Variants in AGMO observed in about 807,000 individuals in gnomAD.
AGMO encodes glyceryl-ether monooxygenase.
Under a neutral mutation model 60.2 loss-of-function variants are expected in AGMO, and 75 were observed. The ratio of observed to expected loss-of-function variants is 1.25; its 90% CI spans 1.03 to 1.51. The LOEUF (loss-of-function observed/expected upper bound fraction) is 1.51, where lower values mean the gene tolerates loss of function less well. AGMO is among the 40% of genes most tolerant of loss of function. AGMO has a pLI of 0.00. For missense variants in AGMO, 763 were observed against 525.5 expected (o/e 1.45, Z -4.42); for synonymous variants, 261 against 177.1 (o/e 1.47, Z -3.76).
At chr7:15,315,423 C>T (rs959823658) in intron 12 of AGMO, among the ~76,000 whole-genome samples, 7 of 147,224 alleles carry the variant, frequency 4.8e-5, no homozygotes, top group African/African-American at 7.6e-5. Context: ...CTGCAACCTC[C>T]GATTCCCTAG....
At chr7:15,137,759 G>T in the AGMO span, among the ~76,000 whole-genome samples, 74,742 of 151,916 alleles carry the variant, frequency 0.49, 18,603 homozygotes, top group East Asian at 0.66. Flanking sequence ...TGTCACCATA[G>T]GTAAGGGAAT....
chr7:15,491,607 G>A (rs948727047), intron 3 of AGMO, among the ~76,000 whole-genome samples: 4 of 152,026 alleles, frequency 2.6e-5, no homozygotes, highest in African/African-American at 9.7e-5. Flanking sequence ...ATGTCCTATG[G>A]CTAAAATGTA....
At chr7:15,345,957 T>C (rs1445282448) in intron 12 of AGMO, among the ~76,000 whole-genome samples, 2 of 152,168 alleles carry the variant, frequency 1.3e-5, no homozygotes, top group African/African-American at 4.8e-5. Flanking sequence ...AATGTTTTAA[T>C]TCCAATATAT....
intron 12 of AGMO, among the ~76,000 whole-genome samples, chr7:15,312,525 C>T (rs764128961): frequency 2.2e-4 from 32 of 144,578 alleles, no homozygotes; most frequent in Non-Finnish European, 3.9e-4. Flanking sequence ...GAATTCTATA[C>T]CCAGTGCATG....
At position 15,371,677 on chromosome 7, in the gene AGMO, C is replaced by T. The variant is rs199995486; in HGVS notation, c.1075-5455G>A. 2.2e-4 allele frequency among the ~76,000 whole-genome samples: 33 copies of T among 151,998 alleles called. No individual in the cohort carries two copies. The East Asian group carries it at 4.1e-3, about 19-fold the overall frequency. On this transcript the variant is annotated intron_variant, in intron 10 of 12. Coordinates refer to ENST00000342526, the MANE Select transcript of AGMO (RefSeq NM_001004320.2). ...CCTCCTAAAGTGCTGGGATTATAGG[C>T]GTGAGCCACTGAACCCAGCCAACGG...
At chr7:15,131,390 A>G in the AGMO span, among the ~76,000 whole-genome samples, 1 of 152,104 alleles carries the variant, frequency 6.6e-6, no homozygotes, top group Non-Finnish European at 1.5e-5. Flanking sequence ...TCCAACTTAC[A>G]AACCTCAGTG....
At chr7:15,338,734 G>A (rs1781741005) in intron 12 of AGMO, among the ~76,000 whole-genome samples, 1 of 152,144 alleles carries the variant, frequency 6.6e-6, no homozygotes, top group Non-Finnish European at 1.5e-5. Flanking sequence ...ACTTCTACTA[G>A]TCATTTAACC....
At chr7:15,365,217 T>G (rs1305786798) in intron 12 of AGMO, among the ~76,000 whole-genome samples, 2 of 151,876 alleles carry the variant, frequency 1.3e-5, no homozygotes, top group East Asian at 3.9e-4. Context: ...TTCCACTTCT[T>G]GAGAACCTAC....
At chr7:15,159,045 C>T in the AGMO span, among the ~76,000 whole-genome samples, 1 of 151,900 alleles carries the variant, frequency 6.6e-6, no homozygotes, top group Non-Finnish European at 1.5e-5. Context: ...ATTAGTTTCT[C>T]ATAATATATC....
chr7:15,550,466 A>G (rs1275445547), intron 2 of AGMO, among the ~76,000 whole-genome samples: 2 of 152,200 alleles, frequency 1.3e-5, no homozygotes, highest in Admixed American at 6.5e-5. Flanking sequence ...TAGACACTAT[A>G]AAAAATGATA....
chr7:15,279,981 A>T (rs879915539), intron 12 of AGMO, among the ~76,000 whole-genome samples: 2 of 152,202 alleles, frequency 1.3e-5, no homozygotes, highest in Non-Finnish European at 2.9e-5. Flanking sequence ...TCTGCCAGCT[A>T]AATCAGGCAG....
chr7:15,380,426 T>A (rs1307880439), intron 10 of AGMO, among the ~76,000 whole-genome samples: 1 of 151,838 alleles, frequency 6.6e-6, no homozygotes, highest in Non-Finnish European at 1.5e-5. Context: ...ACAAGAATAA[T>A]AAAATACCTA....
intron 12 of AGMO, among the ~76,000 whole-genome samples, chr7:15,268,830 C>G (rs1040592371): frequency 6.6e-6 from 1 of 151,578 alleles, no homozygotes; most frequent in African/African-American, 2.4e-5. Context: ...ATTATTTTGA[C>G]TTGTTAGATT....
intron 5 of AGMO, among the ~76,000 whole-genome samples, chr7:15,407,247 A>ATATATATATATATG (rs1258762839): frequency 6.8e-6 from 1 of 147,092 alleles, no homozygotes; most frequent in African/African-American, 2.5e-5. Context: ...ATATATATAT[A>ATATATATATATATG]TATGTATATA....
At chr7:15,355,669 C>A (rs1458215486) in intron 12 of AGMO, among the ~76,000 whole-genome samples, 2 of 151,828 alleles carry the variant, frequency 1.3e-5, no homozygotes, top group African/African-American at 4.8e-5. Flanking sequence ...TATATCAGCA[C>A]TATATGGAAA....
At chr7:15,541,657 T>C (rs1176231014) in intron 3 of AGMO, among the ~76,000 whole-genome samples, 2 of 152,162 alleles carry the variant, frequency 1.3e-5, no homozygotes, top group Non-Finnish European at 2.9e-5. Context: ...GTGATAGAGA[T>C]GGAATTCAAA....
At position 15,385,487 on chromosome 7, in the gene AGMO, G is replaced by C. The variant is rs146527477; in HGVS notation, c.1033C>G (p.Leu345Val). Residue 345 changes from leucine (L) to valine (V), a missense_variant, in exon 10 of 13, where the codon CTG (leucine) becomes GTG (valine). Leu to Val is a conservative substitution (Grantham distance 32, BLOSUM62 1). Transcript: ENST00000342526. The stretch of plus-strand genomic sequence containing the variant: ...GTCTCTTCATAAAATGCCAACATCA[G>C]AGCAAACTGTACAACTGTATATATC... ...LKIYTVVQFA[L>V]MLAFYEETFA... 1.1e-5 allele frequency: 17 copies of C among 1,612,590 alleles called. No individual in the cohort carries two copies. Among genetic ancestry groups the C allele is most frequent in the Non-Finnish European group, 1.4e-5 (17 of 1,179,060 alleles).
In AGMO at chr7:15,551,569, T is replaced by C. The variant is rs1240806359; in HGVS notation, c.258-6646A>G. 4.7e-3 allele frequency among the ~76,000 whole-genome samples: 706 copies of C among 151,234 alleles called. 5 individuals carry two copies. Among genetic ancestry groups the C allele is most frequent in the African/African-American group, 0.017 (690 of 41,050 alleles). On this transcript the variant is annotated intron_variant, in intron 2 of 12. Transcript: ENST00000342526. ...ATCATGAGTGAACTCCCATTCACAA[T>C]TGCTTCAAAGAGAATAAAATACTTA...
intron 3 of AGMO, among the ~76,000 whole-genome samples, chr7:15,472,113 C>T (rs910957055): frequency 1.3e-5 from 2 of 151,866 alleles, no homozygotes; most frequent in African/African-American, 4.8e-5. Flanking sequence ...TCATGGTAGA[C>T]ATTAAACTCC....
Sources: allele counts gnomAD v4.1 joint callset (sites outside exome capture counted in the v4.1 genomes callset), GRCh38; gene constraint gnomAD v4.1.1; transcripts MANE v1.5; gene names NCBI Gene and HGNC (gene_info 2026-07-23, HGNC 2026-07-21).